The following TUFT1 variants were observed in gnomAD, a reference collection of about 807,000 sequenced individuals.
The protein encoded by TUFT1 is tuftelin.
A neutral mutation model predicts 57.8 loss-of-function variants in TUFT1; 43 were observed. That is an observed-to-expected ratio of 0.74 (90% CI 0.58 to 0.96). The LOEUF is 0.96. Among genes scored for constraint, TUFT1 ranks in the 40% least tolerant of loss-of-function variants. TUFT1 has a pLI of 0.00. For synonymous variants in TUFT1, 166 were observed against 176.7 expected (o/e 0.94, Z 0.48); for missense variants, 459 against 489.0 (o/e 0.94, Z 0.58).
chr1:151,555,687 G>A (rs1361712709), intron 1 of TUFT1, among the ~76,000 whole-genome samples: 1 of 145,784 alleles, frequency 6.9e-6, no homozygotes, highest in Non-Finnish European at 1.5e-5. Flanking sequence ...TGAGGCAGGA[G>A]AATCGTTTGA....
intron 1 of TUFT1, among the ~76,000 whole-genome samples, chr1:151,546,664 T>A (rs577337353): frequency 6.6e-6 from 1 of 152,322 alleles, no homozygotes; most frequent in South Asian, 2.1e-4. Context: ...TAGAATGATG[T>A]TTTCAAGGTT....
intron 1 of TUFT1, among the ~76,000 whole-genome samples, chr1:151,544,548 C>T (rs569270175): frequency 7.9e-5 from 12 of 152,252 alleles, no homozygotes; most frequent in South Asian, 6.2e-4. Flanking sequence ...CTGCCCGCTT[C>T]GGCCTTCCAA....
intron 8 of TUFT1, 49 bp downstream of exon 8, chr1:151,574,447 G>A: frequency 6.2e-7 from 1 of 1,607,032 alleles, no homozygotes; most frequent in Non-Finnish European, 8.5e-7. Flanking sequence ...GGGCTGGAAG[G>A]GGCCTGCAGG....
chr1:151,540,551 G>T, intron 1 of TUFT1, 125 bp downstream of exon 1: 1 of 1,066,510 alleles, frequency 9.4e-7, no homozygotes. Flanking sequence ...TCAGCCCTGC[G>T]CGGCGCTTCT....
At chr1:151,578,040 A>AG (rs1049048034) in intron 9 of TUFT1, among the ~76,000 whole-genome samples, 1 of 151,992 alleles carries the variant, frequency 6.6e-6, no homozygotes. Flanking sequence ...AAAAAAAAAA[A>AG]AGAAAAGGTC....
At chr1:151,541,804 A>G (rs1176893743) in intron 1 of TUFT1, among the ~76,000 whole-genome samples, 1 of 152,124 alleles carries the variant, frequency 6.6e-6, no homozygotes, top group Non-Finnish European at 1.5e-5. Context: ...GATGGAAGAA[A>G]TCTATCCATT....
intron 9 of TUFT1, 36 bp from the exon 10 acceptor site, chr1:151,578,685 G>A (rs1019527935): frequency 7.9e-6 from 12 of 1,514,500 alleles, no homozygotes; most frequent in Non-Finnish European, 9.8e-6. Context: ...AAGTGATCTT[G>A]TTCCATTGCC....
intron 9 of TUFT1, among the ~76,000 whole-genome samples, chr1:151,577,788 C>T (rs1000836740): frequency 3.3e-5 from 5 of 152,036 alleles, no homozygotes; most frequent in African/African-American, 4.8e-5. Flanking sequence ...TTTGGGAGGC[C>T]GGGACAGGAG....
Position 151,580,971 on chromosome 1 carries a change from C to T in TUFT1, c.1038C>T (p.His346=). 1 of 1,614,104 alleles carries T rather than the reference C, an allele frequency of 6.2e-7. No homozygotes were observed. Among genetic ancestry groups the T allele is most frequent in the Non-Finnish European group, 8.5e-7 (1 of 1,180,022 alleles). ...ENLEMHDRME[H]LIEKQISHGN... Reference sequence around the variant, plus strand: ...TAGAGATGCATGACCGGATGGAACACCTGATAGAAAAACAAATCAGTCATG... The same window carrying T: ...TAGAGATGCATGACCGGATGGAACATCTGATAGAAAAACAAATCAGTCATG... The change falls in exon 12 of 13, where the codon CAC becomes CAT. Residue 346 remains histidine, a synonymous_variant. Coordinates refer to ENST00000368849, the MANE Select transcript of TUFT1 (RefSeq NM_020127.3).
chr1:151,541,494 T>C (rs1665166019), intron 1 of TUFT1, among the ~76,000 whole-genome samples: 1 of 152,148 alleles, frequency 6.6e-6, no homozygotes. Flanking sequence ...ACTAAGGTGA[T>C]GGGGAACTTG....
intron 1 of TUFT1, chr1:151,557,905 G>A (rs1665764172): frequency 1.0e-5 from 7 of 700,766 alleles, no homozygotes; most frequent in South Asian, 8.1e-5. Flanking sequence ...GTTTAGAGGT[G>A]GATTTGGTTG....
intron 7 of TUFT1, among the ~76,000 whole-genome samples, chr1:151,572,453 G>A (rs959780932): frequency 3.3e-5 from 5 of 151,602 alleles, no homozygotes; most frequent in African/African-American, 1.2e-4. Flanking sequence ...CATCAACCTA[G>A]GTGCAGTGTT....
Position 151,581,868 on chromosome 1 carries a change from C to A in TUFT1, c.*161C>A. The A allele has an allele frequency of 1.4e-6, 1 of 711,728 alleles. No homozygotes were observed. Among genetic ancestry groups the A allele is most frequent in the Non-Finnish European group, 2.5e-6 (1 of 407,800 alleles). 44.1% of individuals were successfully genotyped at this position (711,728 alleles called of 1,614,324 possible). On this transcript the variant is annotated 3_prime_UTR_variant, in exon 13 of 13. Transcript: ENST00000368849. ...CACCATTCCCAAGCCCCTGGCCACTCTAAGCTGGGCAGACGGAGCACGAGC... is the reference window on the plus strand; with the variant it reads ...CACCATTCCCAAGCCCCTGGCCACTATAAGCTGGGCAGACGGAGCACGAGC...
intron 11 of TUFT1, 152 bp downstream of exon 11, chr1:151,579,884 G>T: frequency 1.4e-6 from 1 of 730,942 alleles, no homozygotes; most frequent in South Asian, 1.9e-5. Flanking sequence ...CAGTTCAGCT[G>T]AATAAACATT....
intron 7 of TUFT1, among the ~76,000 whole-genome samples, chr1:151,572,803 A>G (rs771210356): frequency 6.6e-6 from 1 of 152,204 alleles, no homozygotes; most frequent in Non-Finnish European, 1.5e-5. Flanking sequence ...GACACGTCCC[A>G]TCACACATCA....
chr1:151,564,796 G>A, intron 5 of TUFT1, 182 bp downstream of exon 5: 1 of 547,426 alleles, frequency 1.8e-6, no homozygotes. Context: ...CAGCCGATGA[G>A]CACTTACATT....
rs958134450 is a variant in TUFT1, at chr1:151,578,771, A to T, written c.869A>T (p.His290Leu). The change falls in exon 10 of 13, where the codon CAC (histidine) becomes CTC (leucine). Residue 290 changes from histidine (H) to leucine (L), a missense_variant. His to Leu is a moderately conservative substitution (Grantham distance 99). Coordinates refer to ENST00000368849, the MANE Select transcript of TUFT1 (RefSeq NM_020127.3). ...GCCGGGTTGCGGGAGAAGATCCACC[A>T]CTTGGATGACATGCTCAAGAGCCAG... The part of the protein sequence containing the change: ...EVAGLREKIH[H>L]LDDMLKSQQR... 6.3e-7 allele frequency: 1 copy of T among 1,584,326 alleles called. No homozygotes were observed. The highest frequency in any genetic ancestry group is 2.3e-5 in the East Asian group (1 of 43,618).
chr1:151,545,870 T>G (rs771981938), intron 1 of TUFT1: 20 of 533,578 alleles, frequency 3.7e-5, no homozygotes, highest in Admixed American at 2.7e-4. Flanking sequence ...GTTCATATTT[T>G]GGCATCTCTC....
chr1:151,554,802 C>G (rs989800668), intron 1 of TUFT1, among the ~76,000 whole-genome samples: 1 of 139,584 alleles, frequency 7.2e-6, no homozygotes, highest in African/African-American at 2.7e-5. Flanking sequence ...CTCCAGAGTT[C>G]AAGCGATCCT....
Sources: gnomAD v4.1 joint callset for allele counts (sites outside exome capture counted in the v4.1 genomes callset) on GRCh38, gnomAD v4.1.1 for gene constraint, MANE v1.5 for transcripts, NCBI Gene and HGNC (gene_info 2026-07-23, HGNC 2026-07-21) for gene names.